Variants in ART5 observed in about 807,000 individuals in gnomAD.
ART5 encodes ecto-ADP-ribosyltransferase 5.
Under a neutral mutation model 25.0 loss-of-function variants are expected in ART5, and 22 were observed. The observed-to-expected ratio is 0.88, with a 90% CI of 0.63 to 1.26. ART5 has a LOEUF of 1.26. Among genes scored for constraint, ART5 ranks in the 50% most tolerant of loss-of-function variants. ART5 has a pLI of 0.00. For missense variants in ART5, 402 were observed against 372.8 expected (o/e 1.08, Z -0.64); for synonymous variants, 161 against 154.8 (o/e 1.04, Z -0.30).
In ART5 at chr11:3,640,072, G is replaced by T. The variant is rs191937078; in HGVS notation, c.357C>A (p.Gly119=). 8.7e-6 allele frequency: 14 copies of T among 1,614,192 alleles called. No homozygotes were observed. In the African/African-American group the frequency reaches 1.6e-4, roughly 18 times the overall value. The change falls in exon 2 of 4, where the codon GGC becomes GGA. Residue 119 remains glycine, a synonymous_variant. Transcript: ENST00000397068. ...AGTGCCTCATGTAGAGCTCCCGGGA[G>T]CCTCCGCCCGTCCGCACGGCCTGAT... ...ELNQAVRTGG[G]SRELYMRHFP...
intron 3 of ART5, 86 bp downstream of exon 3, chr11:3,638,917 C>T (rs1214154287): frequency 6.3e-7 from 1 of 1,595,184 alleles, no homozygotes; most frequent in Admixed American, 1.8e-5. Context: ...CCTAGCTGCA[C>T]CCCTGCTGAA....
In ART5 at chr11:3,641,936, G is replaced by A; in HGVS notation, c.-74C>T. 1 of 1,537,154 alleles carries A rather than the reference G, an allele frequency of 6.5e-7. No homozygotes were observed. The highest frequency in any genetic ancestry group is 8.7e-7 in the Non-Finnish European group (1 of 1,144,390). ...AGGTGCTGGAGTCCTGGTTTCGAGG[G>A]GCTGGAGGCAGATCTGGACCCTGTC... On this transcript the variant is annotated 5_prime_UTR_variant, in exon 1 of 4. Transcript: ENST00000397068.
At chr11:3,640,547 A>G (rs1208890483) in intron 1 of ART5, among the ~76,000 whole-genome samples, 176 bp from the exon 2 acceptor site, 2 of 150,816 alleles carry the variant, frequency 1.3e-5, no homozygotes, top group Non-Finnish European at 2.9e-5. Flanking sequence ...CACTGGAGTC[A>G]GTCAGACATG....
chr11:3,641,733 G>T (rs1337187846), intron 1 of ART5, 73 bp downstream of exon 1: 1 of 1,544,896 alleles, frequency 6.5e-7, no homozygotes, highest in Non-Finnish European at 8.8e-7. Flanking sequence ...TGAGGAGTCA[G>T]CCCCGGGTCC....
intron 3 of ART5, 65 bp from the exon 4 acceptor site, chr11:3,638,858 G>A (rs780834650): frequency 4.3e-6 from 7 of 1,613,980 alleles, no homozygotes; most frequent in Non-Finnish European, 5.9e-6. Context: ...CAGGGGCCAA[G>A]AGCAGAGTCT....
At chr11:3,640,917 A>G (rs2077387002) in intron 1 of ART5, among the ~76,000 whole-genome samples, 1 of 151,828 alleles carries the variant, frequency 6.6e-6, no homozygotes, top group Admixed American at 6.6e-5. Context: ...AATTTTTTGT[A>G]TTTTTAGTAG....
intron 2 of ART5, among the ~76,000 whole-genome samples, chr11:3,639,327 C>T (rs1248042254): frequency 6.6e-6 from 1 of 152,214 alleles, no homozygotes; most frequent in Non-Finnish European, 1.5e-5. Flanking sequence ...CCCCCTGAGA[C>T]CTGAAGCAGT....
rs764236648 is a variant in ART5, at chr11:3,639,916, C to A, written c.513G>T (p.Arg171Ser). 1.2e-6 allele frequency: 2 copies of A among 1,614,196 alleles called. No individual in the cohort carries two copies. The highest frequency in any genetic ancestry group is 1.1e-5 in the South Asian group (1 of 91,090). ...GVGSLRFEPK[R>S]LGDSVRLGQF... ...GGCCCAAGCGGACAGAGTCTCCCAG[C>A]CTCTTGGGTTCAAAGCGAAGGCTGC... The change falls in exon 2 of 4, where the codon AGG becomes AGT. Residue 171 changes from arginine (R) to serine (S), a missense_variant. Transcript: ENST00000397068.
chr11:3,639,754 G>A lies in ART5; in HGVS notation c.675C>T (p.Pro225=). The change falls in exon 2 of 4, where the codon CCC becomes CCT. Residue 225 remains proline, a synonymous_variant. Transcript: ENST00000397068. ...VFPKEREVLI[P]PHEVFLVTRF... is the part of the protein sequence containing the mutation. Reference sequence around the variant, plus strand: ...TGGTAACCAAAAAGACTTCATGGGGGGGAATCAGCACCTCGCGCTCCTTGG... The same window carrying A: ...TGGTAACCAAAAAGACTTCATGGGGAGGAATCAGCACCTCGCGCTCCTTGG... 2.5e-6 allele frequency: 4 copies of A among 1,614,164 alleles called. No individual in the cohort carries two copies. Among genetic ancestry groups the A allele is most frequent in the Non-Finnish European group, 3.4e-6 (4 of 1,180,040 alleles).
At chr11:3,642,215 G>C, upstream of ART5, 1 of 1,157,554 alleles carries the variant, frequency 8.6e-7, no homozygotes, top group South Asian at 2.7e-5. Context: ...AGGGAGCGCC[G>C]AGGGCTCTGG....
At chr11:3,641,460 A>G (rs2077395721) in intron 1 of ART5, among the ~76,000 whole-genome samples, 1 of 152,146 alleles carries the variant, frequency 6.6e-6, no homozygotes, top group African/African-American at 2.4e-5. Context: ...CATTTGGGGT[A>G]GGGGTGGTGG....
In ART5 at chr11:3,641,912, G is replaced by T; in HGVS notation, c.-50C>A. 1.3e-6 allele frequency: 2 copies of T among 1,547,100 alleles called. No individual in the cohort carries two copies. ...GGGTCCGGGTGAGGGCGGGACCAGAGGTGCTGGAGTCCTGGTTTCGAGGGG... is the reference window on the plus strand; with the variant it reads ...GGGTCCGGGTGAGGGCGGGACCAGATGTGCTGGAGTCCTGGTTTCGAGGGG... On this transcript the variant is annotated 5_prime_UTR_variant, in exon 1 of 4. Coordinates refer to ENST00000397068, the MANE Select transcript of ART5 (RefSeq NM_053017.5).
At position 3,639,023 on chromosome 11, in the gene ART5, C is replaced by T. The variant is rs550234024; in HGVS notation, c.800G>A (p.Arg267Gln). The T allele has an allele frequency of 9.7e-6, 15 of 1,552,970 alleles. No individual in the cohort carries two copies. The highest frequency in any genetic ancestry group is 1.4e-5 in the African/African-American group (1 of 73,092). Residue 267 changes from arginine (R) to glutamine (Q), a missense_variant, in exon 3 of 4, where the codon CGG (arginine) becomes CAG (glutamine). Transcript: ENST00000397068. ...NCAYLGGEKR[R>Q]GCVSAPGALG... ...CTCACCTGGCGCAGACACACAGCCCCGCCTCTTCTCCCCTGCAACAGACAG... is the reference window on the plus strand; with the variant it reads ...CTCACCTGGCGCAGACACACAGCCCTGCCTCTTCTCCCCTGCAACAGACAG...
rs558396155 is a variant in ART5 at position 3,638,550 on chromosome 11, A to G, written c.*188T>C. The G allele has an allele frequency of 2.1e-5, 14 of 670,612 alleles. No homozygotes were observed. The highest frequency in any genetic ancestry group is 1.3e-4 in the East Asian group (5 of 37,948). The allele number at this position is 670,612 out of a possible 1,614,324, so 41.5% of individuals were successfully genotyped here. A position where few individuals can be genotyped will look rare whatever the true frequency, so the allele number is the denominator to read the frequency against. Reference sequence around the variant, plus strand: ...ACCATTTAATCACGTAGCTACCTCAATAAAACTCCATGTCTCCACATTGCA... The same window carrying G: ...ACCATTTAATCACGTAGCTACCTCAGTAAAACTCCATGTCTCCACATTGCA... On this transcript the variant is annotated 3_prime_UTR_variant, in exon 4 of 4. Transcript: ENST00000397068.
Position 3,639,956 on chromosome 11 carries a change from A to T in ART5, c.473T>A (p.Val158Glu), listed in dbSNP as rs1444002113. 1 of 1,613,970 alleles carries T rather than the reference A, an allele frequency of 6.2e-7. No individual in the cohort carries two copies. Among genetic ancestry groups the T allele is most frequent in the Admixed American group, 1.7e-5 (1 of 60,008 alleles). The change falls in exon 2 of 4, where the codon GTG becomes GAG. Residue 158 changes from valine to glutamate, a missense_variant. By Grantham distance (121) the Val-to-Glu change is moderately radical (BLOSUM62 -2). Coordinates refer to ENST00000397068, the MANE Select transcript of ART5 (RefSeq NM_053017.5). ...GGCSRGPGEV[V>E]FRGVGSLRFE... ...GCGAAGGCTGCCCACACCTCGGAACACCACCTCCCCAGGTCCCCTGCTGCA... is the reference window on the plus strand; with the variant it reads ...GCGAAGGCTGCCCACACCTCGGAACTCCACCTCCCCAGGTCCCCTGCTGCA...
chr11:3,641,815 G>A lies in ART5; in HGVS notation c.48C>T (p.His16=), dbSNP rs200394704. 2.5e-5 allele frequency: 39 copies of A among 1,578,162 alleles called. No individual in the cohort carries two copies. In the East Asian group the frequency reaches 7.8e-4, roughly 31 times the overall value. ...TGGTTCCTGGAGTTACCTGCCAGGT[G>A]TGGAGGCCGAGGCTGCCGAGGGCGA... The part of the protein sequence containing the change: ...LMIALGSLGL[H]TWQAQAVPIL... The change falls in exon 1 of 4, where the codon CAC becomes CAT. Residue 16 remains histidine, a synonymous_variant. Transcript: ENST00000397068.
rs1216836185 is a variant in ART5 at position 3,640,073 on chromosome 11, C to A, written c.356G>T (p.Gly119Val). ...ELNQAVRTGG[G>V]SRELYMRHFP... is the part of the protein sequence containing the mutation. ...GTGCCTCATGTAGAGCTCCCGGGAG[C>A]CTCCGCCCGTCCGCACGGCCTGATT... Residue 119 changes from glycine (G) to valine (V), a missense_variant, in exon 2 of 4, where the codon GGC (glycine) becomes GTC (valine). Gly to Val is a moderately radical substitution (Grantham distance 109). Transcript: ENST00000397068. The A allele has an allele frequency of 1.2e-6, 2 of 1,614,178 alleles. No individual in the cohort carries two copies. Among genetic ancestry groups the A allele is most frequent in the South Asian group, 1.1e-5 (1 of 91,088 alleles).
chr11:3,642,240 TC>T, upstream of ART5: 2 of 1,102,738 alleles, frequency 1.8e-6, no homozygotes, highest in Non-Finnish European at 2.2e-6. Flanking sequence ...CGCTGCGCTG[TC>T]CCCGGAGGAG....
At chr11:3,640,503 G>C in intron 1 of ART5, 132 bp from the exon 2 acceptor site, 1 of 1,189,734 alleles carries the variant, frequency 8.4e-7, no homozygotes, top group South Asian at 1.8e-5. Context: ...ATGCAATTTG[G>C]CAAGGGCCCA....
Sources: allele counts gnomAD v4.1 joint callset (sites outside exome capture counted in the v4.1 genomes callset), GRCh38; gene constraint gnomAD v4.1.1; transcripts MANE v1.5; gene names NCBI Gene and HGNC (gene_info 2026-07-23, HGNC 2026-07-21).